The following FBXL2 variants were observed in gnomAD, a reference collection of about 807,000 sequenced individuals.
FBXL2 encodes F-box/LRR-repeat protein 2.
FBXL2 carries 38 observed loss-of-function variants against 69.2 expected under a neutral mutation model. The observed-to-expected ratio is 0.55, with a 90% CI of 0.42 to 0.72. The LOEUF (loss-of-function observed/expected upper bound fraction) is 0.72, where lower values mean the gene tolerates loss of function less well. FBXL2 is among the 30% of genes least tolerant of loss of function. The pLI is 0.00. For synonymous variants in FBXL2, 192 were observed against 201.3 expected, an observed-to-expected ratio of 0.95 and a Z score of 0.39; for missense variants, 354 against 520.3, an observed-to-expected ratio of 0.68 and a Z score of 3.11.
At chr3:33,363,377 CT>C (rs1321746833) in intron 4 of FBXL2, among the ~76,000 whole-genome samples, 5 of 152,196 alleles carry the variant, frequency 3.3e-5, no homozygotes, top group Admixed American at 6.5e-5. Context: ...ATTCATCATG[CT>C]TACAGTTCAG....
At chr3:33,317,122 T>A (rs2037773450) in intron 2 of FBXL2, among the ~76,000 whole-genome samples, 1 of 152,102 alleles carries the variant, frequency 6.6e-6, no homozygotes, top group South Asian at 2.1e-4. Flanking sequence ...AGTCTTGAAC[T>A]CCTAGCCTTA....
chr3:33,323,529 A>G (rs2038411656), intron 2 of FBXL2, among the ~76,000 whole-genome samples: 1 of 152,082 alleles, frequency 6.6e-6, no homozygotes, highest in African/African-American at 2.4e-5. Flanking sequence ...CTCATTGTTC[A>G]GCTCTCACTT....
intron 4 of FBXL2, among the ~76,000 whole-genome samples, chr3:33,361,330 T>C (rs2041612839): frequency 6.6e-6 from 1 of 151,754 alleles, no homozygotes; most frequent in Admixed American, 6.6e-5. Context: ...ATAGCAAAAC[T>C]GCGTCTCTAC....
chr3:33,404,488 A>T (rs1014909724), downstream of FBXL2, among the ~76,000 whole-genome samples: 1 of 128,934 alleles, frequency 7.8e-6, no homozygotes, highest in Non-Finnish European at 1.8e-5. Context: ...ATAGGATTAA[A>T]AAAAAAAAAA....
At chr3:33,400,955 T>C (rs2044204286) in intron 12 of FBXL2, 3 of 1,593,536 alleles carry the variant, frequency 1.9e-6, no homozygotes, top group South Asian at 1.2e-5. Flanking sequence ...AGGAGAAAGA[T>C]ACTTACTTCA....
downstream of FBXL2, chr3:33,408,581 C>G: frequency 1.3e-6 from 1 of 755,050 alleles, no homozygotes. Context: ...TAAATCAAGA[C>G]ATGGACATCA....
intron 1 of FBXL2, among the ~76,000 whole-genome samples, chr3:33,295,798 G>A (rs1162295786): frequency 1.3e-5 from 2 of 152,156 alleles, no homozygotes; most frequent in Non-Finnish European, 2.9e-5. Flanking sequence ...GCATCTCACT[G>A]TGTTTTGACT....
intron 12 of FBXL2, among the ~76,000 whole-genome samples, chr3:33,394,705 T>C (rs1007585825): frequency 6.6e-6 from 1 of 152,130 alleles, no homozygotes; most frequent in African/African-American, 2.4e-5. Flanking sequence ...AACCCAGAAT[T>C]TTCCATTACA....
At chr3:33,381,634 T>A (rs1434286502) in intron 13 of FBXL2, among the ~76,000 whole-genome samples, 10 of 142,504 alleles carry the variant, frequency 7.0e-5, no homozygotes, top group Non-Finnish European at 1.1e-4. Flanking sequence ...CAAAAAAAAA[T>A]AAATAAAAAT....
chr3:33,379,643 A>G (rs934718633), intron 13 of FBXL2, among the ~76,000 whole-genome samples: 1 of 151,554 alleles, frequency 6.6e-6, no homozygotes, highest in Non-Finnish European at 1.5e-5. Flanking sequence ...TAATGAGGCC[A>G]GTAATACCCT....
At chr3:33,354,641 A>C (rs970252726) in intron 2 of FBXL2, among the ~76,000 whole-genome samples, 8 of 152,306 alleles carry the variant, frequency 5.3e-5, no homozygotes, top group East Asian at 1.9e-4. Context: ...GGAAAAAAAA[A>C]CCTATAGTAA....
chr3:33,296,009 T>G (rs2035713365), intron 1 of FBXL2, among the ~76,000 whole-genome samples: 1 of 152,164 alleles, frequency 6.6e-6, no homozygotes, highest in Admixed American at 6.6e-5. Context: ...TCCAATCTTG[T>G]GGGTTTTTTT....
intron 2 of FBXL2, among the ~76,000 whole-genome samples, chr3:33,331,908 A>C (rs1224846569): frequency 6.6e-6 from 1 of 152,204 alleles, no homozygotes; most frequent in Non-Finnish European, 1.5e-5. Flanking sequence ...AAAGGTTAAG[A>C]GACCCAGATG....
intron 1 of FBXL2, among the ~76,000 whole-genome samples, chr3:33,281,183 A>G (rs1394176773): frequency 2.0e-5 from 3 of 152,032 alleles, no homozygotes; most frequent in Non-Finnish European, 2.9e-5. Context: ...TCCTAAGGCT[A>G]TCCCTCCGCC....
intron 2 of FBXL2, among the ~76,000 whole-genome samples, chr3:33,337,432 T>G (rs2039680885): frequency 6.6e-6 from 1 of 152,182 alleles, no homozygotes; most frequent in Non-Finnish European, 1.5e-5. Context: ...ACATTTTAAA[T>G]AATACAATAT....
chr3:33,316,818 A>T (rs1041492654), intron 2 of FBXL2, among the ~76,000 whole-genome samples: 1 of 152,174 alleles, frequency 6.6e-6, no homozygotes, highest in African/African-American at 2.4e-5. Flanking sequence ...CTTTTAAGGT[A>T]ATCAATTCTA....
At chr3:33,324,540 C>T (rs1021457193) in intron 2 of FBXL2, among the ~76,000 whole-genome samples, 102 of 152,308 alleles carry the variant, frequency 6.7e-4, no homozygotes, top group African/African-American at 2.4e-3. Context: ...GTTTTCCCAA[C>T]ACCATTTGTT....
downstream of FBXL2, chr3:33,390,578 C>T: frequency 5.0e-6 from 3 of 599,506 alleles, no homozygotes; most frequent in Non-Finnish European, 8.9e-6. Flanking sequence ...TTCTGCGAAG[C>T]CTGGCCCACT....
intron 4 of FBXL2, 84 bp downstream of exon 4, chr3:33,359,441 T>C: frequency 1.1e-6 from 1 of 880,564 alleles, no homozygotes; most frequent in Non-Finnish European, 1.8e-6. Context: ...TTTTACTGCA[T>C]TTAGATCTAA....
Sources: allele counts gnomAD v4.1 joint callset (sites outside exome capture counted in the v4.1 genomes callset), GRCh38; gene constraint gnomAD v4.1.1; transcripts MANE v1.5; gene names NCBI Gene and HGNC (gene_info 2026-07-23, HGNC 2026-07-21).